The following USH2A variants were observed in gnomAD, a reference collection of about 807,000 sequenced individuals.
The protein encoded by USH2A is Usher syndrome 2A (autosomal recessive, mild).
A neutral mutation model predicts 538.9 loss-of-function variants in USH2A; 443 were observed. That is an observed-to-expected ratio of 0.82 (90% CI 0.76 to 0.89). The LOEUF (loss-of-function observed/expected upper bound fraction) is 0.89. Among genes scored for constraint, USH2A ranks in the 40% least tolerant of loss-of-function variants. USH2A has a pLI of 0.00. For synonymous variants in USH2A, 2,413 were observed against 2,273.5 expected, an observed-to-expected ratio of 1.06 and a Z score of -1.75; for missense variants, 6,633 against 6,324.8, an observed-to-expected ratio of 1.05 and a Z score of -1.65.
intron 44 of USH2A, among the ~76,000 whole-genome samples, chr1:215,855,669 C>T (rs778312669): frequency 1.6e-4 from 24 of 152,036 alleles, no homozygotes; most frequent in African/African-American, 5.8e-4. Flanking sequence ...TCATTCTTCA[C>T]AGAACTTGAA....
intron 55 of USH2A, among the ~76,000 whole-genome samples, chr1:215,769,951 C>T (rs1661233277): frequency 1.3e-5 from 2 of 152,132 alleles, no homozygotes. Flanking sequence ...GTGTCTGTCC[C>T]TGAAATGTAG....
At chr1:215,787,361 C>G (rs537255356) in intron 51 of USH2A, among the ~76,000 whole-genome samples, 1 of 152,116 alleles carries the variant, frequency 6.6e-6, no homozygotes, top group Non-Finnish European at 1.5e-5. Context: ...ATTTACACTT[C>G]CTGTGTTGTT....
chr1:215,906,137 A>G (rs2365632), intron 38 of USH2A, among the ~76,000 whole-genome samples: 75,889 of 151,836 alleles, frequency 0.5, 19,816 homozygotes, highest in East Asian at 0.68. Context: ...ATTATGAGGA[A>G]TATGCAGATG....
chr1:216,144,026 T>C (rs2033648141), intron 21 of USH2A, among the ~76,000 whole-genome samples: 1 of 152,218 alleles, frequency 6.6e-6, no homozygotes, highest in Non-Finnish European at 1.5e-5. Flanking sequence ...GCCAAAAATG[T>C]AATCTCATAC....
chr1:216,130,650 C>CAT (rs1026389877), intron 21 of USH2A, among the ~76,000 whole-genome samples: 9 of 146,402 alleles, frequency 6.1e-5, no homozygotes, highest in African/African-American at 1.8e-4. Flanking sequence ...CATATACACA[C>CAT]ATATATATAT....
chr1:216,144,019 A>G (rs2033648000), intron 21 of USH2A, among the ~76,000 whole-genome samples: 1 of 152,238 alleles, frequency 6.6e-6, no homozygotes, highest in African/African-American at 2.4e-5. Flanking sequence ...AATGAGAGCC[A>G]AAAATGTAAT....
At chr1:215,859,759 A>G (rs180809735) in intron 44 of USH2A, among the ~76,000 whole-genome samples, 1 of 152,334 alleles carries the variant, frequency 6.6e-6, no homozygotes, top group African/African-American at 2.4e-5. Flanking sequence ...GCTTTAGTCC[A>G]TAACAGACGG....
chr1:216,332,904 C>G (rs2037897856), intron 4 of USH2A, among the ~76,000 whole-genome samples: 1 of 152,002 alleles, frequency 6.6e-6, no homozygotes, highest in Non-Finnish European at 1.5e-5. Flanking sequence ...TTTAAAATGT[C>G]TGGTTTTCAA....
At chr1:215,896,659 G>A (rs184355117) in intron 40 of USH2A, among the ~76,000 whole-genome samples, 5 of 152,206 alleles carry the variant, frequency 3.3e-5, no homozygotes, top group African/African-American at 1.2e-4. Context: ...GCAAACATAC[G>A]AGAGAGAAGG....
chr1:215,870,745 A>G (rs1367156300), intron 43 of USH2A, among the ~76,000 whole-genome samples: 2 of 152,170 alleles, frequency 1.3e-5, no homozygotes, highest in Non-Finnish European at 2.9e-5. Flanking sequence ...TATCAAAAAA[A>G]GAATGTATTA....
rs1655919671 is a variant in USH2A, at chr1:215,624,347, C to G, written c.*1434G>C. 6.6e-6 allele frequency: 1 copy of G among 152,130 alleles called. No homozygotes were observed. Among genetic ancestry groups the G allele is most frequent in the Non-Finnish European group, 1.5e-5 (1 of 68,010 alleles). The allele number at this position is 152,130 out of a possible 1,614,324, so 9.4% of individuals were successfully genotyped here. On this transcript the variant is annotated 3_prime_UTR_variant, in exon 72 of 72. Coordinates refer to ENST00000307340, the MANE Select transcript of USH2A (RefSeq NM_206933.4). ...TACCCAAAAAGTCCACAATCTTTTA[C>G]TGTTGGGCCCTGGGGTAATACATTG...
chr1:216,254,715 C>A (rs1430340995), intron 11 of USH2A, among the ~76,000 whole-genome samples: 1 of 152,136 alleles, frequency 6.6e-6, no homozygotes, highest in Non-Finnish European at 1.5e-5. Context: ...AGCTTGCCAA[C>A]CACCACATAT....
intron 3 of USH2A, among the ~76,000 whole-genome samples, chr1:216,384,771 T>C (rs1319215311): frequency 6.6e-6 from 1 of 151,732 alleles, no homozygotes; most frequent in Non-Finnish European, 1.5e-5. Context: ...GGCAACAGAA[T>C]GAAAAAAAAT....
At chr1:215,924,075 C>T (rs565189195) in intron 38 of USH2A, among the ~76,000 whole-genome samples, 117 of 151,460 alleles carry the variant, frequency 7.7e-4, no homozygotes, top group African/African-American at 2.7e-3. Context: ...TACAAGCATA[C>T]GAAACATTTA....
rs1558103452 is a variant in USH2A at position 215,799,046 on chromosome 1, G to A, written c.9819C>T (p.Tyr3273=). The change falls in exon 50 of 72, where the codon TAC becomes TAT. Residue 3273 remains tyrosine (Y), a synonymous_variant. Coordinates refer to ENST00000307340, the MANE Select transcript of USH2A (RefSeq NM_206933.4). ...AGCAAATCTGGTTTCCTGAGGTGGA[G>A]TACGGCATTCTGCCACAGCAGGAAT... ...IGDSCCGRMP[Y]STSGNQICCA... 6.2e-7 allele frequency: 1 copy of A among 1,614,082 alleles called. No homozygotes were observed.
Position 215,742,490 on chromosome 1 carries a change from AT to A in USH2A, c.11548+686del, listed in dbSNP as rs549727549. Among the ~76,000 whole-genome samples the A allele has an allele frequency of 2.0e-4, 30 of 152,150 alleles. No individual in the cohort carries two copies. The South Asian group carries it at 6.0e-3, about 30-fold the overall frequency. On this transcript the variant is annotated intron_variant, in intron 59 of 71. Transcript: ENST00000307340. ...TATATATGATATACACATATATAAC[AT>A]ATCCATATCTGTTAAAGTTTATACT...
Position 215,927,445 on chromosome 1 carries a change from A to G in USH2A, c.7300+7171T>C, listed in dbSNP as rs1043927416. On this transcript the variant is annotated intron_variant, in intron 38 of 71. Coordinates refer to ENST00000307340, the MANE Select transcript of USH2A (RefSeq NM_206933.4). ...AAACAACTTGGCCCTATATAACAAG[A>G]TTGTTGGATAAATATATAGATAAAT... Among the ~76,000 whole-genome samples the G allele has an allele frequency of 2.0e-5, 3 of 152,142 alleles. No individual in the cohort carries two copies. The East Asian group carries it at 5.8e-4, about 29-fold the overall frequency.
intron 12 of USH2A, 47 bp from the exon 13 acceptor site, chr1:216,247,273 A>T: frequency 6.2e-7 from 1 of 1,607,018 alleles, no homozygotes; most frequent in South Asian, 1.1e-5. Flanking sequence ...AAATGATTTC[A>T]TTCAAGATAG....
At chr1:216,134,513 A>G (rs1299685127) in intron 21 of USH2A, among the ~76,000 whole-genome samples, 1 of 152,110 alleles carries the variant, frequency 6.6e-6, no homozygotes, top group East Asian at 1.9e-4. Flanking sequence ...AAACAACTTC[A>G]CAGAAACCAG....
Sources: allele counts gnomAD v4.1 joint callset (sites outside exome capture counted in the v4.1 genomes callset), GRCh38; gene constraint gnomAD v4.1.1; transcripts MANE v1.5; gene names NCBI Gene and HGNC (gene_info 2026-07-23, HGNC 2026-07-21).